The following SOX6 variants were observed in gnomAD, a reference collection of about 807,000 sequenced individuals.
The protein encoded by SOX6 is SRY-box transcription factor 6.
A neutral mutation model predicts 97.8 loss-of-function variants in SOX6; 11 were observed. The ratio of observed to expected loss-of-function variants is 0.11; its 90% confidence interval spans 0.07 to 0.19. The LOEUF (loss-of-function observed/expected upper bound fraction) is 0.19, where lower values mean the gene tolerates loss of function less well. Ranked by LOEUF, SOX6 falls within the 10% of genes least tolerant of loss-of-function variation. SOX6 has a pLI of 1.00. For missense variants in SOX6, 810 were observed against 1,039.5 expected (o/e 0.78, Z 3.04); for synonymous variants, 360 against 371.4 (o/e 0.97, Z 0.35).
intron 3 of SOX6, among the ~76,000 whole-genome samples, chr11:16,633,362 T>C (rs1403837821): frequency 1.3e-5 from 2 of 152,240 alleles, no homozygotes; most frequent in Non-Finnish European, 2.9e-5. Context: ...CCTCTCTTTA[T>C]ATATTCTCTG....
At chr11:16,552,665 T>TA (rs1340842522) in intron 4 of SOX6, among the ~76,000 whole-genome samples, 5 of 152,182 alleles carry the variant, frequency 3.3e-5, no homozygotes, top group African/African-American at 1.2e-4. Flanking sequence ...TCCTGGGAGT[T>TA]ACAGAAGTGA....
chr11:16,107,380 T>C (rs1294780596), intron 7 of SOX6, among the ~76,000 whole-genome samples: 9 of 147,882 alleles, frequency 6.1e-5, no homozygotes, highest in Non-Finnish European at 1.2e-4. Flanking sequence ...AAATGTGATC[T>C]GTATACATAT....
At chr11:16,123,570 C>T (rs1048918024) in intron 6 of SOX6, among the ~76,000 whole-genome samples, 3 of 151,996 alleles carry the variant, frequency 2.0e-5, no homozygotes, top group African/African-American at 4.8e-5. Context: ...GGTTTTCAAT[C>T]TTTATCACAG....
intron 6 of SOX6, among the ~76,000 whole-genome samples, chr11:16,167,356 T>G (rs1005407344): frequency 2.0e-4 from 31 of 152,276 alleles, no homozygotes; most frequent in African/African-American, 7.2e-4. Flanking sequence ...CTGGTCCAAG[T>G]TACCAACACT....
At chr11:16,021,936 G>C (rs543768236) in intron 12 of SOX6, among the ~76,000 whole-genome samples, 3 of 152,118 alleles carry the variant, frequency 2.0e-5, no homozygotes, top group Admixed American at 2.0e-4. Context: ...CCAGAAGAAG[G>C]TGAGGTTCAA....
intron 3 of SOX6, chr11:16,313,111 C>T (rs1855655185): frequency 6.6e-6 from 1 of 152,164 alleles, no homozygotes; most frequent in South Asian, 2.1e-4. Context: ...CCTTGTTCAA[C>T]AATGTTTTAC....
intron 6 of SOX6, among the ~76,000 whole-genome samples, chr11:16,132,455 AG>A (rs558794844): frequency 1.3e-4 from 16 of 127,058 alleles, no homozygotes; most frequent in African/African-American, 4.3e-4. Context: ...AAAGAAAGAA[AG>A]AAAGAAAGAA....
chr11:16,716,751 C>G (rs1848222438), intron 2 of SOX6, among the ~76,000 whole-genome samples: 1 of 151,688 alleles, frequency 6.6e-6, no homozygotes, highest in Admixed American at 6.6e-5. Flanking sequence ...CCAACCACTA[C>G]TAAAAAACAG....
At chr11:16,450,545 G>C (rs981085824) in intron 1 of SOX6, among the ~76,000 whole-genome samples, 1 of 152,220 alleles carries the variant, frequency 6.6e-6, no homozygotes, top group Non-Finnish European at 1.5e-5. Flanking sequence ...CACTAGAAAA[G>C]TTAATACAAC....
chr11:16,324,078 G>T (rs1245299891), intron 2 of SOX6, among the ~76,000 whole-genome samples: 1 of 151,882 alleles, frequency 6.6e-6, no homozygotes, highest in African/African-American at 2.4e-5. Flanking sequence ...CAGCTGCTTG[G>T]GAGGCTGAGG....
chr11:16,294,513 T>C (rs1002449984), intron 3 of SOX6, among the ~76,000 whole-genome samples: 2 of 152,116 alleles, frequency 1.3e-5, no homozygotes, highest in Non-Finnish European at 2.9e-5. Context: ...CAAATCATCC[T>C]ACATTAAGTG....
chr11:16,720,256 C>CG (rs1293034749), intron 2 of SOX6, among the ~76,000 whole-genome samples: 1 of 146,450 alleles, frequency 6.8e-6, no homozygotes, highest in Non-Finnish European at 1.5e-5. Flanking sequence ...ATGTTTATTG[C>CG]GGCACTATTC....
intron 4 of SOX6, among the ~76,000 whole-genome samples, chr11:16,524,537 C>A (rs1459380415): frequency 6.6e-6 from 1 of 150,932 alleles, no homozygotes; most frequent in Admixed American, 6.6e-5. Flanking sequence ...ACTGAATGGG[C>A]AAAAACTGGA....
chr11:16,046,337 T>A (rs1337257401), intron 12 of SOX6, among the ~76,000 whole-genome samples, 177 bp downstream of exon 12: 3 of 152,170 alleles, frequency 2.0e-5, no homozygotes, highest in Non-Finnish European at 4.4e-5. Context: ...GCGTATTTGT[T>A]AATCAACAAT....
At chr11:16,000,664 T>G (rs1184002705) in intron 13 of SOX6, among the ~76,000 whole-genome samples, 1 of 152,188 alleles carries the variant, frequency 6.6e-6, no homozygotes, top group Non-Finnish European at 1.5e-5. Flanking sequence ...CTGTTGAAGC[T>G]ATCTACATCA....
intron 4 of SOX6, among the ~76,000 whole-genome samples, chr11:16,188,265 C>G (rs1251675021): frequency 6.7e-6 from 1 of 150,182 alleles, no homozygotes; most frequent in Non-Finnish European, 1.5e-5. Flanking sequence ...GTCAGTATCT[C>G]TTATATCCTC....
chr11:16,581,792 T>C (rs964592442), intron 4 of SOX6, among the ~76,000 whole-genome samples: 1 of 151,512 alleles, frequency 6.6e-6, no homozygotes, highest in Non-Finnish European at 1.5e-5. Context: ...TGAAACCCCA[T>C]CTCTACTAAA....
chr11:16,187,069 A>T, intron 4 of SOX6, 114 bp from the exon 5 acceptor site: 2 of 1,172,980 alleles, frequency 1.7e-6, no homozygotes, highest in Non-Finnish European at 1.3e-6. Context: ...GATCTGGGAC[A>T]ATGACTGGAG....
chr11:16,274,490 T>C (rs1197314389), intron 3 of SOX6, among the ~76,000 whole-genome samples: 1 of 152,122 alleles, frequency 6.6e-6, no homozygotes, highest in Non-Finnish European at 1.5e-5. Flanking sequence ...TTTCATACAT[T>C]TCTGTATTGA....
Sources: allele counts gnomAD v4.1 joint callset (sites outside exome capture counted in the v4.1 genomes callset), GRCh38; gene constraint gnomAD v4.1.1; transcripts MANE v1.5; gene names NCBI Gene and HGNC (gene_info 2026-07-23, HGNC 2026-07-21).